Variants in CSNK1G3 observed in about 807,000 individuals in gnomAD.
CSNK1G3 encodes the protein casein kinase 1 gamma 3, also known as casein kinase I isoform gamma-3.
In CSNK1G3, 23 loss-of-function variants were observed where a neutral mutation model predicts 64.3. That is an observed-to-expected ratio of 0.36 (90% CI 0.26 to 0.51). CSNK1G3 has a LOEUF of 0.51. CSNK1G3 is among the 20% of genes least tolerant of loss of function. CSNK1G3 has a pLI of 0.96. For synonymous variants in CSNK1G3, 158 were observed against 162.2 expected (o/e 0.97, Z 0.20); for missense variants, 357 against 510.5 (o/e 0.70, Z 2.90).
chr5:123,581,581 C>T (rs1790287179), intron 6 of CSNK1G3, among the ~76,000 whole-genome samples: 1 of 151,490 alleles, frequency 6.6e-6, no homozygotes, highest in African/African-American at 2.4e-5. Flanking sequence ...TTCAGTTGCA[C>T]AGAAAACTTT....
At chr5:123,573,312 A>G in intron 4 of CSNK1G3, 81 bp from the exon 5 acceptor site, 1 of 1,449,858 alleles carries the variant, frequency 6.9e-7, no homozygotes, top group Non-Finnish European at 9.6e-7. Context: ...AAACTATAAA[A>G]TTTTAAATAT....
chr5:123,547,594 A>G (rs1782778854), intron 2 of CSNK1G3, among the ~76,000 whole-genome samples: 1 of 152,120 alleles, frequency 6.6e-6, no homozygotes, highest in African/African-American at 2.4e-5. Context: ...TTTCTTTTGT[A>G]GTCTGTGAAT....
intron 10 of CSNK1G3, among the ~76,000 whole-genome samples, chr5:123,594,551 G>A (rs1173054638): frequency 6.6e-6 from 1 of 152,144 alleles, no homozygotes; most frequent in Non-Finnish European, 1.5e-5. Context: ...GGGGGACTAA[G>A]CAAGAGAGAA....
At chr5:123,569,060 T>C (rs1436752302) in intron 4 of CSNK1G3, among the ~76,000 whole-genome samples, 1 of 152,216 alleles carries the variant, frequency 6.6e-6, no homozygotes, top group East Asian at 1.9e-4. Context: ...TTTGTTTAAT[T>C]AGCTTAGAGT....
rs3806913 is a variant in CSNK1G3 at position 123,543,387 on chromosome 5, G to A, written c.-247-2030G>A. On this transcript the variant is annotated intron_variant, in intron 1 of 12. Transcript: ENST00000345990. ...AGGAACTTTAGAGTCTCTCAGTTCTGTGCAGCTTCTAGTGTCTCCATTCTT... is the reference window on the plus strand; with the variant it reads ...AGGAACTTTAGAGTCTCTCAGTTCTATGCAGCTTCTAGTGTCTCCATTCTT... Among the ~76,000 whole-genome samples the A allele has an allele frequency of 2.0e-5, 3 of 152,176 alleles. No homozygotes were observed. In the East Asian group the frequency reaches 5.8e-4, roughly 29 times the overall value.
chr5:123,567,006 A>G (rs1028242280), intron 4 of CSNK1G3, among the ~76,000 whole-genome samples: 1 of 152,210 alleles, frequency 6.6e-6, no homozygotes, highest in Non-Finnish European at 1.5e-5. Flanking sequence ...TTACAAAAGA[A>G]AGAGGTTTAT....
intron 3 of CSNK1G3, among the ~76,000 whole-genome samples, chr5:123,553,349 T>C (rs985188077): frequency 6.6e-6 from 1 of 152,218 alleles, no homozygotes; most frequent in Non-Finnish European, 1.5e-5. Flanking sequence ...ACATTCATGT[T>C]TGTCTGTGCC....
intron 12 of CSNK1G3, among the ~76,000 whole-genome samples, chr5:123,612,205 C>A (rs1049735743): frequency 6.6e-6 from 1 of 152,114 alleles, no homozygotes; most frequent in African/African-American, 2.4e-5. Context: ...TTACATTCCA[C>A]GGTCTAGTCG....
At chr5:123,560,279 T>C (rs1785423475) in intron 4 of CSNK1G3, among the ~76,000 whole-genome samples, 1 of 152,082 alleles carries the variant, frequency 6.6e-6, no homozygotes, top group South Asian at 2.1e-4. Flanking sequence ...GGTGTAAAAA[T>C]TTAAAAAAGC....
intron 12 of CSNK1G3, among the ~76,000 whole-genome samples, chr5:123,609,811 G>C (rs1237737586): frequency 6.6e-6 from 1 of 152,170 alleles, no homozygotes; most frequent in Non-Finnish European, 1.5e-5. Flanking sequence ...TAAGAGGAGG[G>C]TGGAAATAGG....
chr5:123,608,890 A>G (rs983994111), intron 12 of CSNK1G3, among the ~76,000 whole-genome samples: 3 of 152,200 alleles, frequency 2.0e-5, no homozygotes, highest in Non-Finnish European at 4.4e-5. Flanking sequence ...GATTAGCACT[A>G]TAGGAAAGGG....
intron 1 of CSNK1G3, among the ~76,000 whole-genome samples, chr5:123,544,124 G>T (rs1281584189): frequency 6.6e-6 from 1 of 152,070 alleles, no homozygotes; most frequent in Non-Finnish European, 1.5e-5. Context: ...TAATAGAAAA[G>T]TGCAGGTTAG....
At chr5:123,590,654 G>T in intron 9 of CSNK1G3, 96 bp downstream of exon 9, 3 of 757,394 alleles carry the variant, frequency 4.0e-6, no homozygotes, top group Non-Finnish European at 3.9e-6. Context: ...ACAAATAGTT[G>T]TTTTAAAGGA....
intron 4 of CSNK1G3, among the ~76,000 whole-genome samples, chr5:123,572,984 A>G (rs1255469939): frequency 2.0e-5 from 3 of 152,190 alleles, no homozygotes; most frequent in African/African-American, 7.2e-5. Context: ...GACAGTGGTG[A>G]TCTTAGCAGT....
chr5:123,606,077 C>G (rs945730872), intron 12 of CSNK1G3, among the ~76,000 whole-genome samples: 14 of 152,078 alleles, frequency 9.2e-5, no homozygotes, highest in Admixed American at 3.3e-4. Flanking sequence ...ATATTTTACT[C>G]ATATCTAAAG....
intron 10 of CSNK1G3, among the ~76,000 whole-genome samples, chr5:123,598,923 G>A (rs1480757407): frequency 2.0e-5 from 3 of 152,134 alleles, no homozygotes; most frequent in African/African-American, 7.2e-5. Flanking sequence ...GAAAGGCTTT[G>A]AAAAGAATTA....
chr5:123,539,659 G>A lies in CSNK1G3; in HGVS notation c.-247-5758G>A, dbSNP rs181206759. On this transcript the variant is annotated intron_variant, in intron 1 of 12. Coordinates refer to ENST00000345990, the Ensembl canonical transcript of CSNK1G3. ...AATTTTCTTTGCTCGAATTGTTTTT[G>A]TCAGGCTTTTGTATTAGGATTGTGC... is the stretch of plus-strand genomic sequence containing the variant. Among the ~76,000 whole-genome samples, 424 of 152,136 alleles carry A rather than the reference G, an allele frequency of 2.8e-3. 1 individual carries two copies. The highest frequency in any genetic ancestry group is 9.4e-3 in the African/African-American group (391 of 41,522).
chr5:123,556,764 TTGTGTG>T (rs5871049), intron 3 of CSNK1G3, among the ~76,000 whole-genome samples: 52,518 of 148,748 alleles, frequency 0.35, 9,214 homozygotes, highest in African/African-American at 0.42. Context: ...CTGTACATGT[TTGTGTG>T]TGTGTGTGTG....
Position 123,580,567 on chromosome 5 carries a change from A to G in CSNK1G3, c.673+4604A>G, listed in dbSNP as rs1055972105. On this transcript the variant is annotated intron_variant, in intron 6 of 12. Transcript: ENST00000345990. The stretch of plus-strand genomic sequence containing the variant: ...ATAAAGCTTTATGTTACAGATGTGG[A>G]TTTCCATGTGTCCTTGCATGAAAAC... Among the ~76,000 whole-genome samples the G allele has an allele frequency of 2.0e-5, 3 of 151,840 alleles. No individual in the cohort carries two copies. In the South Asian group the frequency reaches 6.2e-4, roughly 31 times the overall value.
Sources: allele counts gnomAD v4.1 joint callset (sites outside exome capture counted in the v4.1 genomes callset), GRCh38; gene constraint gnomAD v4.1.1; transcripts MANE v1.5; gene names NCBI Gene and HGNC (gene_info 2026-07-23, HGNC 2026-07-21).